The following DNAAF4 variants were observed in gnomAD, a reference collection of about 807,000 sequenced individuals.
DNAAF4 encodes the protein dynein assembly factor 4, axonemal.
In DNAAF4, 43 loss-of-function variants were observed where a neutral mutation model predicts 51.8. The observed-to-expected ratio is 0.83, with a 90% CI of 0.65 to 1.07. The LOEUF (loss-of-function observed/expected upper bound fraction) is 1.07. DNAAF4 is among the 50% of genes least tolerant of loss of function. DNAAF4 has a pLI of 0.00. For missense variants in DNAAF4, 581 were observed against 493.0 expected, an observed-to-expected ratio of 1.18 and a Z score of -1.69; for synonymous variants, 194 against 165.6, an observed-to-expected ratio of 1.17 and a Z score of -1.32.
chr15:55,504,858 T>C (rs1472502995), intron 1 of DNAAF4, among the ~76,000 whole-genome samples: 1 of 152,140 alleles, frequency 6.6e-6, no homozygotes, highest in Admixed American at 6.5e-5. Flanking sequence ...GACATAGGCA[T>C]GGGCAAAAAC....
exon 8 of DNAAF4, chr15:55,418,119 A>G: frequency 6.3e-7 from 1 of 1,583,112 alleles, no homozygotes; most frequent in Non-Finnish European, 8.5e-7. Flanking sequence ...CAATGCCCTC[A>G]AGAGAACAGA....
At chr15:55,466,315 T>A (rs2927575) in intron 5 of DNAAF4, among the ~76,000 whole-genome samples, 2 of 152,038 alleles carry the variant, frequency 1.3e-5, no homozygotes, top group African/African-American at 4.8e-5. Context: ...TAGTCCCAGC[T>A]ACTTGGGAGG....
intron 4 of DNAAF4, among the ~76,000 whole-genome samples, chr15:55,486,581 T>C (rs930397797): frequency 6.6e-6 from 1 of 152,102 alleles, no homozygotes; most frequent in African/African-American, 2.4e-5. Flanking sequence ...ATCTATTCTT[T>C]GTTCCTGCTG....
intron 4 of DNAAF4, among the ~76,000 whole-genome samples, chr15:55,480,507 T>C (rs2058394531): frequency 6.6e-6 from 1 of 152,146 alleles, no homozygotes; most frequent in Non-Finnish European, 1.5e-5. Flanking sequence ...TACTTACGTT[T>C]ACTAGCCAAA....
intron 7 of DNAAF4, 36 bp downstream of exon 7, chr15:55,439,436 A>G: frequency 6.5e-7 from 1 of 1,545,436 alleles, no homozygotes; most frequent in African/African-American, 1.4e-5. Context: ...GTCTTCATAC[A>G]TGATAAAGCT....
chr15:55,499,772 C>A (rs1477086629), intron 1 of DNAAF4, among the ~76,000 whole-genome samples: 3 of 152,184 alleles, frequency 2.0e-5, no homozygotes, highest in Non-Finnish European at 4.4e-5. Context: ...TAAGTAGAAT[C>A]TGAACTTAAG....
At chr15:55,437,525 T>G (rs1354079908) in intron 7 of DNAAF4, among the ~76,000 whole-genome samples, 2 of 150,916 alleles carry the variant, frequency 1.3e-5, no homozygotes, top group African/African-American at 4.9e-5. Flanking sequence ...AAAAAAGATG[T>G]CCATATTCTA....
chr15:55,428,131 T>C (rs544167810), downstream of DNAAF4, among the ~76,000 whole-genome samples: 2 of 151,906 alleles, frequency 1.3e-5, no homozygotes, highest in Non-Finnish European at 2.9e-5. Flanking sequence ...TTTTTGTATT[T>C]TTAGTAGACA....
At chr15:55,425,574 T>C (rs1164779195), downstream of DNAAF4, among the ~76,000 whole-genome samples, 1 of 22,452 alleles carries the variant, frequency 4.5e-5, no homozygotes, top group African/African-American at 1.2e-4. Context: ...AGTTACTGAG[T>C]AAAAGCATTT....
chr15:55,422,659 C>G (rs183181793), intron 7 of DNAAF4, among the ~76,000 whole-genome samples: 3 of 152,216 alleles, frequency 2.0e-5, no homozygotes, highest in Non-Finnish European at 4.4e-5. Flanking sequence ...GAGAACTGAC[C>G]TTTGATTAGG....
chr15:55,470,847 ATTT>A (rs1169756178), intron 4 of DNAAF4, among the ~76,000 whole-genome samples: 3 of 99,034 alleles, frequency 3.0e-5, no homozygotes, highest in South Asian at 3.6e-4. Context: ...TGCCTGGCGG[ATTT>A]TTTTTTTTTT....
intron 4 of DNAAF4, among the ~76,000 whole-genome samples, chr15:55,488,672 G>T (rs911391181): frequency 6.6e-6 from 1 of 152,150 alleles, no homozygotes; most frequent in African/African-American, 2.4e-5. Context: ...ACAATTTGTG[G>T]AACAGGATAC....
At chr15:55,447,787 G>GAGGGGAGAGGGGAGAGGGC (rs2057858108) in intron 6 of DNAAF4, among the ~76,000 whole-genome samples, 1 of 64,972 alleles carries the variant, frequency 1.5e-5, no homozygotes, top group South Asian at 7.5e-4. Context: ...AGAGAGAGGG[G>GAGGGGAGAGGGGAGAGGGC]AGAGGGGAGA....
intron 6 of DNAAF4, among the ~76,000 whole-genome samples, chr15:55,449,676 C>CAACAACAACAAAA (rs1213237949): frequency 2.4e-4 from 31 of 127,978 alleles, no homozygotes; most frequent in African/African-American, 7.1e-4. Flanking sequence ...CTAAAACAAA[C>CAACAACAACAAAA]AACAACAACA....
At position 55,469,474 on chromosome 15, in the gene DNAAF4, CTTTTTTT is replaced by C. The variant is rs1162485238; in HGVS notation, c.406-2320_406-2314del. 6.5e-3 allele frequency among the ~76,000 whole-genome samples: 428 copies of C among 66,242 alleles called. 2 individuals carry two copies. Among genetic ancestry groups the C allele is most frequent in the African/African-American group, 0.026 (410 of 15,654 alleles). 43.5% of individuals were successfully genotyped at this position (66,242 alleles called of 152,430 possible). ...TGGGTTTCTCCTATGCTTACCAATT[CTTTTTTT>C]TTTTTTTTTTTTTTTTTTTGAGACG... On this transcript the variant is annotated intron_variant, in intron 4 of 9. Transcript: ENST00000321149.
At chr15:55,433,955 A>T (rs375681977) in intron 8 of DNAAF4, among the ~76,000 whole-genome samples, 7 of 39,598 alleles carry the variant, frequency 1.8e-4, no homozygotes, top group African/African-American at 3.1e-4. Flanking sequence ...AATATATATA[A>T]TATATATAAT....
chr15:55,420,018 A>C (rs1472923222), intron 7 of DNAAF4, among the ~76,000 whole-genome samples: 1 of 152,100 alleles, frequency 6.6e-6, no homozygotes, highest in Admixed American at 6.6e-5. Context: ...AAAAAGAATA[A>C]AAAAAAGTAT....
intron 1 of DNAAF4, among the ~76,000 whole-genome samples, chr15:55,501,022 TAA>T (rs374770939): frequency 1.4e-5 from 2 of 143,498 alleles, no homozygotes; most frequent in African/African-American, 5.3e-5. Context: ...AATGGAAACT[TAA>T]AAAAAAAAAT....
chr15:55,507,588 AT>A (rs1395216510), intron 1 of DNAAF4, among the ~76,000 whole-genome samples: 6 of 152,200 alleles, frequency 3.9e-5, no homozygotes, highest in African/African-American at 1.4e-4. Flanking sequence ...GTCTGTAAAG[AT>A]AGGCACTAGA....
Sources: gnomAD v4.1 joint callset for allele counts (sites outside exome capture counted in the v4.1 genomes callset) on GRCh38, gnomAD v4.1.1 for gene constraint, MANE v1.5 for transcripts, NCBI Gene and HGNC (gene_info 2026-07-23, HGNC 2026-07-21) for gene names.